KCNB2: variants seen among roughly 807,000 people sequenced by gnomAD.
The protein encoded by KCNB2 is potassium voltage-gated channel subfamily B member 2.
A neutral mutation model predicts 61.5 loss-of-function variants in KCNB2; 15 were observed. The ratio of observed to expected loss-of-function variants is 0.24; its 90% CI spans 0.16 to 0.38. The LOEUF is 0.38. KCNB2 is among the 10% of genes least tolerant of loss of function. KCNB2 has a pLI of 1.00. For missense variants in KCNB2, 828 were observed against 1,125.2 expected, an observed-to-expected ratio of 0.74 and a Z score of 3.78; for synonymous variants, 457 against 446.0, an observed-to-expected ratio of 1.02 and a Z score of -0.31.
intron 2 of KCNB2, among the ~76,000 whole-genome samples, chr8:72,869,854 G>T (rs1234204654): frequency 1.3e-5 from 2 of 152,138 alleles, no homozygotes; most frequent in Non-Finnish European, 2.9e-5. Flanking sequence ...ATATCCAAAA[G>T]AATTAAAATC....
intron 2 of KCNB2, among the ~76,000 whole-genome samples, chr8:72,921,613 T>A (rs1249472409): frequency 1.3e-5 from 2 of 152,238 alleles, no homozygotes; most frequent in Admixed American, 6.5e-5. Context: ...AAGAAATTTC[T>A]TGTTGCTAAA....
chr8:72,630,783 C>G (rs1359500901), intron 2 of KCNB2, among the ~76,000 whole-genome samples: 1 of 152,172 alleles, frequency 6.6e-6, no homozygotes, highest in East Asian at 1.9e-4. Flanking sequence ...CAGCGTTGTC[C>G]TTTGTACTAG....
intron 2 of KCNB2, among the ~76,000 whole-genome samples, chr8:72,613,159 G>T (rs947137395): frequency 6.6e-6 from 1 of 152,130 alleles, no homozygotes; most frequent in Non-Finnish European, 1.5e-5. Flanking sequence ...TATGGCCAGA[G>T]AGAGTAAATC....
At chr8:72,542,513 TA>T (rs777482238) in intron 1 of KCNB2, among the ~76,000 whole-genome samples, 8 of 152,072 alleles carry the variant, frequency 5.3e-5, no homozygotes, top group African/African-American at 1.9e-4. Context: ...CTGTTAGTAT[TA>T]AAAAAACCCA....
At chr8:72,848,122 T>TA (rs1810030549) in intron 2 of KCNB2, among the ~76,000 whole-genome samples, 1 of 152,246 alleles carries the variant, frequency 6.6e-6, no homozygotes, top group Non-Finnish European at 1.5e-5. Flanking sequence ...GGCTGTTATT[T>TA]ACACCAGTGA....
chr8:72,716,512 G>T (rs183742081), intron 2 of KCNB2, among the ~76,000 whole-genome samples: 2 of 146,336 alleles, frequency 1.4e-5, no homozygotes, highest in Admixed American at 6.9e-5. Context: ...TTCAACATAC[G>T]CAAATCAATA....
chr8:72,937,228 T>C lies in KCNB2; in HGVS notation c.1873T>C (p.Ser625Pro). 1 of 1,613,892 alleles carries C rather than the reference T, an allele frequency of 6.2e-7. No homozygotes were observed. Among genetic ancestry groups the C allele is most frequent in the Non-Finnish European group, 8.5e-7 (1 of 1,179,984 alleles). Residue 625 changes from serine (S) to proline (P), a missense_variant, in exon 3 of 3, where the codon TCC becomes CCC. Physicochemically the swap from Ser to Pro is moderately conservative, Grantham distance 74 (BLOSUM62 -1). This residue lies in a region of KCNB2 where 559 missense variants were observed against 588.4 expected (regional missense o/e 0.95). Coordinates refer to ENST00000523207, the MANE Select transcript of KCNB2 (RefSeq NM_004770.3). ...ETERSPLPPP[S>P]ASHLQMKFPT... ...AGAGAGATCGCCGCTGCCGCCGCCC[T>C]CCGCCTCTCACTTGCAGATGAAGTT...
intron 2 of KCNB2, among the ~76,000 whole-genome samples, chr8:72,785,172 T>A (rs1005138343): frequency 6.6e-6 from 1 of 152,122 alleles, no homozygotes; most frequent in Non-Finnish European, 1.5e-5. Context: ...AATCCACAAA[T>A]AATCCACAAA....
At chr8:72,744,395 A>C (rs1283514922) in intron 2 of KCNB2, among the ~76,000 whole-genome samples, 1 of 152,190 alleles carries the variant, frequency 6.6e-6, no homozygotes, top group Non-Finnish European at 1.5e-5. Flanking sequence ...ACTGCCAGTT[A>C]CTATTCCATG....
At chr8:72,790,297 G>A (rs1221374846) in intron 2 of KCNB2, among the ~76,000 whole-genome samples, 1 of 152,134 alleles carries the variant, frequency 6.6e-6, no homozygotes, top group Non-Finnish European at 1.5e-5. Context: ...AGCACCCAGA[G>A]GAACTCGAGT....
chr8:72,806,495 G>C (rs1301053790), intron 2 of KCNB2, among the ~76,000 whole-genome samples: 4 of 150,800 alleles, frequency 2.7e-5, no homozygotes, highest in Non-Finnish European at 5.9e-5. Flanking sequence ...ATAGTCCCAG[G>C]TACCAGCTAC....
At chr8:72,539,135 A>T (rs746784779) in intron 1 of KCNB2, among the ~76,000 whole-genome samples, 37 of 152,160 alleles carry the variant, frequency 2.4e-4, no homozygotes, top group Non-Finnish European at 4.1e-4. Context: ...CATGAATAAA[A>T]CCCATCTAGA....
intron 2 of KCNB2, among the ~76,000 whole-genome samples, chr8:72,792,432 C>G (rs1279665901): frequency 6.6e-6 from 1 of 152,112 alleles, no homozygotes; most frequent in Admixed American, 6.5e-5. Context: ...TCTTTATTAT[C>G]AACAAAAGAT....
intron 2 of KCNB2, among the ~76,000 whole-genome samples, chr8:72,886,677 G>A (rs965531854): frequency 1.3e-5 from 2 of 152,176 alleles, no homozygotes; most frequent in Admixed American, 1.3e-4. Context: ...AGCTGGCCTC[G>A]ACACTACGTA....
rs190793857 is a variant in KCNB2, at chr8:72,738,592, G to T, written c.579+170279G>T. On this transcript the variant is annotated intron_variant, in intron 2 of 2. Transcript: ENST00000523207. ...GAATATGCCAATGCATTAATGTGGG[G>T]AGCCACATAAAGCCCTTGATGCCCT... 2.0e-3 allele frequency among the ~76,000 whole-genome samples: 306 copies of T among 152,254 alleles called. 1 individual carries two copies. The highest frequency in any genetic ancestry group is 8.6e-3 in the Admixed American group (132 of 15,280).
intron 2 of KCNB2, among the ~76,000 whole-genome samples, chr8:72,869,778 G>T (rs980581681): frequency 5.3e-5 from 8 of 152,170 alleles, no homozygotes; most frequent in African/African-American, 1.9e-4. Flanking sequence ...AGAAAATAGT[G>T]TGGAAGTTCC....
chr8:72,866,759 T>A (rs1213507196), intron 2 of KCNB2, among the ~76,000 whole-genome samples: 1 of 152,120 alleles, frequency 6.6e-6, no homozygotes, highest in Non-Finnish European at 1.5e-5. Flanking sequence ...TAAAAGAAAA[T>A]CAAAATTCTC....
chr8:72,745,031 G>A (rs1378661103), intron 2 of KCNB2, among the ~76,000 whole-genome samples: 1 of 152,144 alleles, frequency 6.6e-6, no homozygotes, highest in Admixed American at 6.6e-5. Context: ...TAGGACATAG[G>A]CAGAAAGAAC....
rs961572515 is a variant in KCNB2 at position 72,820,054 on chromosome 8, C to T, written c.580-115881C>T. On this transcript the variant is annotated intron_variant, in intron 2 of 2. Transcript: ENST00000523207. ...ATCTTGTAGGCCCCCTGACTTCCTT[C>T]CCATCTCTCCAGATACCCATCCTTC... 2.4e-4 allele frequency among the ~76,000 whole-genome samples: 37 copies of T among 152,084 alleles called. 1 individual carries two copies.
Sources: gnomAD v4.1 joint callset for allele counts (sites outside exome capture counted in the v4.1 genomes callset) on GRCh38, gnomAD v4.1.1 for gene constraint, gnomAD v4.1.1 regional missense constraint, MANE v1.5 for transcripts, NCBI Gene and HGNC (gene_info 2026-07-23, HGNC 2026-07-21) for gene names.